Variants in RUNDC3B observed in about 807,000 individuals in gnomAD.
RUNDC3B encodes RUN domain containing 3B, also known as RUN domain-containing protein 3B.
Under a neutral mutation model 58.4 loss-of-function variants are expected in RUNDC3B, and 33 were observed. The ratio of observed to expected loss-of-function variants is 0.56; its 90% CI spans 0.43 to 0.75. The LOEUF is 0.75. Among genes scored for constraint, RUNDC3B ranks in the 30% least tolerant of loss-of-function variants. The pLI is 0.00. For synonymous variants in RUNDC3B, 193 were observed against 195.2 expected, an observed-to-expected ratio of 0.99 and a Z score of 0.10; for missense variants, 501 against 535.7, an observed-to-expected ratio of 0.94 and a Z score of 0.64.
intron 6 of RUNDC3B, among the ~76,000 whole-genome samples, chr7:87,759,137 G>C (rs970197582): frequency 5.3e-5 from 8 of 152,126 alleles, no homozygotes; most frequent in African/African-American, 1.7e-4. Flanking sequence ...ATACACAATG[G>C]AATATTATTC....
chr7:87,681,415 C>T (rs1826915526), intron 2 of RUNDC3B, among the ~76,000 whole-genome samples: 1 of 150,472 alleles, frequency 6.6e-6, no homozygotes, highest in African/African-American at 2.5e-5. Flanking sequence ...TTGTTCAGTT[C>T]AAGACTAATT....
At chr7:87,760,251 G>A (rs1199211222) in intron 6 of RUNDC3B, among the ~76,000 whole-genome samples, 1 of 151,858 alleles carries the variant, frequency 6.6e-6, no homozygotes, top group East Asian at 1.9e-4. Context: ...TGTGACTGAG[G>A]AACTGAATTT....
chr7:87,709,238 G>A lies in RUNDC3B; in HGVS notation c.373-1332G>A, dbSNP rs1002821745. On this transcript the variant is annotated intron_variant, in intron 3 of 10. Coordinates refer to ENST00000394654, the MANE Select transcript of RUNDC3B (RefSeq NM_001134405.2). Reference sequence around the variant, plus strand: ...TCCCTACATTTCTTATCTAGTAACAGCATAGTCTCCTGTGCTGAATTGTCT... The same window carrying A: ...TCCCTACATTTCTTATCTAGTAACAACATAGTCTCCTGTGCTGAATTGTCT... 4.0e-5 allele frequency: 39 copies of A among 984,908 alleles called. 1 individual carries two copies. Among genetic ancestry groups the A allele is most frequent in the Non-Finnish European group, 4.7e-5 (39 of 829,666 alleles). 61.0% of individuals were successfully genotyped at this position (984,908 alleles called of 1,614,324 possible). A position where few individuals can be genotyped will look rare whatever the true frequency, so the allele number is the denominator to read the frequency against.
chr7:87,736,887 ATATTTTTTTTTTT>A (rs1832011790), intron 4 of RUNDC3B, among the ~76,000 whole-genome samples: 2 of 33,254 alleles, frequency 6.0e-5, no homozygotes, highest in Non-Finnish European at 9.4e-5. Flanking sequence ...ATATATATAT[ATATTTTTTTTTTT>A]TTTTTTTTTT....
chr7:87,727,514 G>T (rs1337703378), intron 4 of RUNDC3B, among the ~76,000 whole-genome samples: 1 of 152,014 alleles, frequency 6.6e-6, no homozygotes, highest in African/African-American at 2.4e-5. Flanking sequence ...TTACATTGGA[G>T]AAATTGTTAA....
At chr7:87,807,289 T>G in intron 8 of RUNDC3B, 84 bp from the exon 9 acceptor site, 5 of 1,279,274 alleles carry the variant, frequency 3.9e-6, no homozygotes, top group South Asian at 2.7e-5. Flanking sequence ...AGATAAATTT[T>G]GGGGGCCTAA....
At chr7:87,637,334 T>C (rs1468296920) in intron 1 of RUNDC3B, among the ~76,000 whole-genome samples, 1 of 152,222 alleles carries the variant, frequency 6.6e-6, no homozygotes, top group African/African-American at 2.4e-5. Context: ...TAACTTTATA[T>C]TATGTCTTGA....
intron 9 of RUNDC3B, among the ~76,000 whole-genome samples, chr7:87,810,252 G>T (rs1836641042): frequency 1.3e-5 from 2 of 152,182 alleles, no homozygotes; most frequent in African/African-American, 2.4e-5. Context: ...AACCAGAAAA[G>T]GTTCAGAGAG....
intron 6 of RUNDC3B, among the ~76,000 whole-genome samples, chr7:87,761,711 A>C (rs1275250879): frequency 6.6e-6 from 1 of 151,922 alleles, no homozygotes; most frequent in Non-Finnish European, 1.5e-5. Flanking sequence ...AAGGCGTCAA[A>C]CACAAAAGCC....
chr7:87,755,201 T>C (rs958416499), intron 6 of RUNDC3B, among the ~76,000 whole-genome samples: 2 of 151,990 alleles, frequency 1.3e-5, no homozygotes, highest in Non-Finnish European at 2.9e-5. Context: ...TTTTGTATTA[T>C]TAGTAGATAT....
chr7:87,707,166 A>G (rs1829672838), intron 3 of RUNDC3B, among the ~76,000 whole-genome samples: 1 of 152,204 alleles, frequency 6.6e-6, no homozygotes, highest in Admixed American at 6.5e-5. Flanking sequence ...ATAAATTTTC[A>G]TACAGAATGT....
intron 6 of RUNDC3B, among the ~76,000 whole-genome samples, chr7:87,761,782 T>C (rs1833698365): frequency 6.6e-6 from 1 of 151,788 alleles, no homozygotes. Flanking sequence ...TTGTTCTCTT[T>C]TTGGTTTTCA....
chr7:87,798,470 G>T (rs74664880), intron 8 of RUNDC3B, among the ~76,000 whole-genome samples: 2,605 of 152,118 alleles, frequency 0.017, 24 homozygotes, highest in South Asian at 0.037. Flanking sequence ...TATTTTTGAT[G>T]CTCAAATTGC....
At chr7:87,770,890 T>G in intron 7 of RUNDC3B, 141 bp downstream of exon 7, 2 of 551,232 alleles carry the variant, frequency 3.6e-6, no homozygotes, top group South Asian at 8.3e-5. Context: ...CTCCTCTTAA[T>G]GAAAAATCAG....
At chr7:87,692,145 T>A (rs1202351083) in intron 2 of RUNDC3B, among the ~76,000 whole-genome samples, 2 of 152,074 alleles carry the variant, frequency 1.3e-5, no homozygotes, top group Non-Finnish European at 2.9e-5. Context: ...AACAGCTTTT[T>A]AAAAAAATAA....
intron 4 of RUNDC3B, among the ~76,000 whole-genome samples, chr7:87,729,977 G>T (rs143536082): frequency 1.3e-5 from 2 of 152,280 alleles, no homozygotes; most frequent in East Asian, 1.9e-4. Context: ...CACAGCCTGG[G>T]CCAGAAGGGT....
chr7:87,693,662 A>G (rs1168139393), intron 2 of RUNDC3B, among the ~76,000 whole-genome samples: 1 of 152,168 alleles, frequency 6.6e-6, no homozygotes, highest in African/African-American at 2.4e-5. Context: ...CTGCTCACAT[A>G]TTTTTGACTT....
chr7:87,654,146 A>G (rs2130396554), intron 2 of RUNDC3B, among the ~76,000 whole-genome samples: 1 of 152,156 alleles, frequency 6.6e-6, no homozygotes, highest in East Asian at 1.9e-4. Flanking sequence ...AAATGTTTAT[A>G]TTAACAATCT....
chr7:87,702,135 T>A (rs1829116220), intron 3 of RUNDC3B, among the ~76,000 whole-genome samples: 1 of 84,242 alleles, frequency 1.2e-5, no homozygotes, highest in Non-Finnish European at 1.9e-5. Context: ...AGAGCGAGAC[T>A]CTGTCTCAAA....
Sources: gnomAD v4.1 joint callset for allele counts (sites outside exome capture counted in the v4.1 genomes callset) on GRCh38, gnomAD v4.1.1 for gene constraint, MANE v1.5 for transcripts, NCBI Gene and HGNC (gene_info 2026-07-23, HGNC 2026-07-21) for gene names.